The following MORC2 variants were observed in gnomAD, a reference collection of about 807,000 sequenced individuals.
The protein encoded by MORC2 is ATPase MORC2.
Under a neutral mutation model 136.0 loss-of-function variants are expected in MORC2, and 30 were observed. The observed-to-expected ratio is 0.22, with a 90% CI of 0.17 to 0.30. The LOEUF is 0.30. MORC2 is among the 10% of genes least tolerant of loss of function. The pLI is 1.00. For synonymous variants in MORC2, 439 were observed against 487.0 expected (o/e 0.90, Z 1.30); for missense variants, 922 against 1,333.1 (o/e 0.69, Z 4.80).
Position 30,932,758 on chromosome 22 carries a change from C to T in MORC2, c.2534G>A (p.Gly845Asp), listed in dbSNP as rs1319601548. 1.2e-6 allele frequency: 2 copies of T among 1,614,162 alleles called. No individual in the cohort carries two copies. Among genetic ancestry groups the T allele is most frequent in the South Asian group, 1.1e-5 (1 of 91,080 alleles). Reference protein sequence around the residue: ...TTPRDRWVEKGSEDVRLMKPP... With the variant: ...TTPRDRWVEKDSEDVRLMKPP... ...TTTCATCAGCCGCACATCCTCACTG[C>T]CTTTCTCCACCCTGTGGAAGACACA... Residue 845 changes from glycine (G) to aspartate (D), a missense_variant, in exon 23 of 26, where the codon GGC (glycine) becomes GAC (aspartate). This residue lies in a region of MORC2 where 263 missense variants were observed against 388.3 expected (regional missense o/e 0.68). Coordinates refer to ENST00000397641, the MANE Select transcript of MORC2 (RefSeq NM_001303256.3). This position sits in a 1 kb window ranked among gnomAD's most constrained non-coding sequence, Gnocchi z 4.4.
Position 30,937,156 on chromosome 22 carries a change from C to A in MORC2, c.1499-119G>T. The A allele has an allele frequency of 2.8e-6, 2 of 712,056 alleles. No homozygotes were observed. The highest frequency in any genetic ancestry group is 1.8e-5 in the African/African-American group (1 of 57,026). 44.1% of individuals were successfully genotyped at this position (712,056 alleles called of 1,614,324 possible). On this transcript the variant is annotated intron_variant, in intron 15 of 25. Transcript: ENST00000397641. The surrounding 1 kb of genome is among the most constrained non-coding windows in gnomAD (Gnocchi z 4.7). ...GACTTTGTAGGCAAAGATCTTCACT[C>A]GGGCTCCAACTCTGCCTATCCTTAG...
intron 12 of MORC2, among the ~76,000 whole-genome samples, chr22:30,939,215 T>C (rs1455220712): frequency 1.3e-5 from 2 of 152,070 alleles, no homozygotes; most frequent in African/African-American, 2.4e-5. Context: ...AAAATGAATA[T>C]GAAAAAATAT....
Position 30,946,435 on chromosome 22 carries a change from A to G in MORC2, c.332T>C (p.Ile111Thr). The G allele has an allele frequency of 6.2e-7, 1 of 1,610,138 alleles. No homozygotes were observed. Among genetic ancestry groups the G allele is most frequent in the Non-Finnish European group, 8.5e-7 (1 of 1,178,084 alleles). The change falls in exon 6 of 26, where the codon ATT becomes ACT. Residue 111 changes from isoleucine to threonine, a missense_variant. Ile to Thr is a moderately conservative substitution (Grantham distance 89). Transcript: ENST00000397641. ...GGTGAACAGGATAAAATCCTTCCCA[A>G]TGCGCATTGAGCCCCTGAAAAGGAA... ...GNGLKSGSMR[I>T]GKDFILFTKK... is the part of the protein sequence containing the mutation.
In MORC2 at chr22:30,932,686, C is replaced by T; in HGVS notation, c.2606G>A (p.Gly869Glu). Reference sequence around the variant, plus strand: ...GGCCACAGGGCCCACCTCCTCCTCCCCGCCCTCCTGTTGTGTATCAAGGCT... The same window carrying T: ...GGCCACAGGGCCCACCTCCTCCTCCTCGCCCTCCTGTTGTGTATCAAGGCT... Reference protein sequence around the residue: ...HQSLDTQQEGGEEEVGPVAQQ... With the variant: ...HQSLDTQQEGEEEEVGPVAQQ... The change falls in exon 23 of 26, where the codon GGG becomes GAG. Residue 869 changes from glycine (G) to glutamate (E), a missense_variant. Around this residue, in one of 9 missense-constraint regions of MORC2, gnomAD observed 263 missense variants for 388.3 expected, o/e 0.68. Coordinates refer to ENST00000397641, the MANE Select transcript of MORC2 (RefSeq NM_001303256.3). The surrounding 1 kb of genome is among the most constrained non-coding windows in gnomAD (Gnocchi z 4.4). 1.2e-6 allele frequency: 2 copies of T among 1,614,176 alleles called. No individual in the cohort carries two copies. The highest frequency in any genetic ancestry group is 1.7e-6 in the Non-Finnish European group (2 of 1,180,024).
intron 5 of MORC2, 40 bp downstream of exon 5, chr22:30,949,712 A>T: frequency 6.6e-7 from 1 of 1,518,408 alleles, no homozygotes; most frequent in South Asian, 1.1e-5. Context: ...GCATTGCTGG[A>T]TTTTGTTTGA....
Position 30,934,290 on chromosome 22 carries a change from G to T in MORC2, c.2194-99C>A. On this transcript the variant is annotated intron_variant, in intron 19 of 25. Coordinates refer to ENST00000397641, the MANE Select transcript of MORC2 (RefSeq NM_001303256.3). This position sits in a 1 kb window ranked among gnomAD's most constrained non-coding sequence, Gnocchi z 4.4. ...TAAAGGAGTCGTTCCAAGAGGAGCTGTACTCCCTGCAATCCCTGCCTGACA... is the reference window on the plus strand; with the variant it reads ...TAAAGGAGTCGTTCCAAGAGGAGCTTTACTCCCTGCAATCCCTGCCTGACA... 1 of 1,508,478 alleles carries T rather than the reference G, an allele frequency of 6.6e-7. No homozygotes were observed. The highest frequency in any genetic ancestry group is 9.0e-7 in the Non-Finnish European group (1 of 1,112,524). 93.4% of individuals were successfully genotyped at this position (1,508,478 alleles called of 1,614,324 possible).
At position 30,935,145 on chromosome 22, in the gene MORC2, G is replaced by C; in HGVS notation, c.1829C>G (p.Pro610Arg). 1 of 1,613,018 alleles carries C rather than the reference G, an allele frequency of 6.2e-7. No homozygotes were observed. Among genetic ancestry groups the C allele is most frequent in the East Asian group, 2.2e-5 (1 of 44,842 alleles). Residue 610 changes from proline (P) to arginine (R), a missense_variant, in exon 19 of 26, where the codon CCT becomes CGT. By Grantham distance (103) the Pro-to-Arg change is moderately radical (BLOSUM62 -2). Transcript: ENST00000397641. ...TAAAGGGGGCGACCGAGGACGCTGA[G>C]GTCTACGCACAGGTTCCTAAAAAAA... ...RPSTEEPVRRPQRPRSPPLPA... is the reference protein window; with the variant it reads ...RPSTEEPVRRRQRPRSPPLPA...
At chr22:30,928,824 G>A (rs943824947) in intron 24 of MORC2, among the ~76,000 whole-genome samples, 25 of 152,342 alleles carry the variant, frequency 1.6e-4, no homozygotes, top group Non-Finnish European at 3.4e-4. Flanking sequence ...CAAATGAAAT[G>A]TCACATGGAA....
rs574452723 is a variant in MORC2, at chr22:30,963,949, T to C, written c.68+3873A>G. 3.2e-4 allele frequency among the ~76,000 whole-genome samples: 49 copies of C among 152,322 alleles called. 1 individual carries two copies. In the South Asian group the frequency reaches 9.9e-3, roughly 31 times the overall value. On this transcript the variant is annotated intron_variant, in intron 1 of 25. Coordinates refer to ENST00000397641, the MANE Select transcript of MORC2 (RefSeq NM_001303256.3). ...GAAATTCTAGAGCAACTATTTTACA[T>C]TGAAATGGCTTTAATATATTTAAGA...
chr22:30,959,964 T>TTTTTGTTTTG (rs980432548), intron 1 of MORC2, among the ~76,000 whole-genome samples: 1 of 152,218 alleles, frequency 6.6e-6, no homozygotes, highest in Non-Finnish European at 1.5e-5. Flanking sequence ...AAATGCAATT[T>TTTTTGTTTTG]TTTTGTTTTG....
In MORC2 at chr22:30,935,057, G is replaced by A; in HGVS notation, c.1917C>T (p.Ser639=). ...PPSLPTPRPA[S]QPRKAPVISS... is the part of the protein sequence containing the mutation. ...TGATGACAGGAGCCTTTCGGGGCTG[G>A]CTGGCTGGTCTAGGAGTTGGCAAAG... The change falls in exon 19 of 26, where the codon AGC becomes AGT. Residue 639 remains serine, a synonymous_variant. Transcript: ENST00000397641. The A allele has an allele frequency of 6.2e-7, 1 of 1,614,050 alleles. No homozygotes were observed. Among genetic ancestry groups the A allele is most frequent in the African/African-American group, 1.3e-5 (1 of 75,014 alleles).
rs1200630528 is a variant in MORC2 at position 30,940,740 on chromosome 22, C to T, written c.904+18G>A. 6.2e-7 allele frequency: 1 copy of T among 1,612,238 alleles called. No homozygotes were observed. Among genetic ancestry groups the T allele is most frequent in the Admixed American group, 1.7e-5 (1 of 60,018 alleles). On this transcript the variant is annotated intron_variant, in intron 10 of 25. Coordinates refer to ENST00000397641, the MANE Select transcript of MORC2 (RefSeq NM_001303256.3). ...CAGATGCACACCCCCCCAACTCCTGCACCCAGAGTGGCATTACCAATCCTT... is the reference window on the plus strand; with the variant it reads ...CAGATGCACACCCCCCCAACTCCTGTACCCAGAGTGGCATTACCAATCCTT...
At chr22:30,967,551 AAAC>A (rs1435080863) in intron 1 of MORC2, 2 of 1,263,704 alleles carry the variant, frequency 1.6e-6, no homozygotes, top group South Asian at 3.4e-5. Flanking sequence ...CACTTGAATG[AAAC>A]AACTCAACAT....
chr22:30,963,637 T>A (rs928514975), intron 1 of MORC2, among the ~76,000 whole-genome samples: 1 of 151,724 alleles, frequency 6.6e-6, no homozygotes, highest in African/African-American at 2.4e-5. Context: ...CTGCCCACCT[T>A]GGCCTTCCAA....
chr22:30,950,286 C>T, intron 4 of MORC2, 91 bp downstream of exon 4: 1 of 1,349,756 alleles, frequency 7.4e-7, no homozygotes, highest in Non-Finnish European at 1.1e-6. Context: ...ACATTGGAGG[C>T]AACAGAAAAA....
intron 3 of MORC2, among the ~76,000 whole-genome samples, chr22:30,954,986 T>A (rs2040945734): frequency 7.5e-6 from 1 of 133,476 alleles, no homozygotes; most frequent in Admixed American, 8.6e-5. Flanking sequence ...GAGACGGAGC[T>A]TCGCTCTTGT....
At chr22:30,933,116 A>G in intron 21 of MORC2, 86 bp from the exon 22 acceptor site, 1 of 1,560,236 alleles carries the variant, frequency 6.4e-7, no homozygotes, top group Admixed American at 1.7e-5. Context: ...GGCAGTCCCC[A>G]GGGTTTGGAG....
At chr22:30,940,293 T>TA (rs779153213) in intron 10 of MORC2, among the ~76,000 whole-genome samples, 486 of 130,308 alleles carry the variant, frequency 3.7e-3, no homozygotes, top group East Asian at 0.027. Flanking sequence ...AGAACAGGTT[T>TA]AAAAAAAAAA....
Position 30,940,854 on chromosome 22 carries a change from G to C in MORC2, c.825-17C>G. ...TTGTACATCCTGATCAGTAGAAAAA[G>C]CAAGCTGATGGCCCACGCAGCAGTG... is the stretch of plus-strand genomic sequence containing the variant. On this transcript the variant is annotated splice_polypyrimidine_tract_variant and intron_variant, in intron 9 of 25. Transcript: ENST00000397641. The C allele has an allele frequency of 1.2e-6, 2 of 1,610,866 alleles. No individual in the cohort carries two copies. The highest frequency in any genetic ancestry group is 1.7e-6 in the Non-Finnish European group (2 of 1,177,082).
Sources: gnomAD v4.1 joint callset for allele counts (sites outside exome capture counted in the v4.1 genomes callset) on GRCh38, gnomAD v4.1.1 for gene constraint, gnomAD v4.1.1 regional missense constraint, Gnocchi (gnomAD v3.1) non-coding constraint, MANE v1.5 for transcripts, NCBI Gene and HGNC (gene_info 2026-07-23, HGNC 2026-07-21) for gene names.